PAK1: variants seen among roughly 807,000 people sequenced by gnomAD.
The protein encoded by PAK1 is serine/threonine-protein kinase PAK 1.
PAK1 carries 29 observed loss-of-function variants against 67.4 expected under a neutral mutation model. The ratio of observed to expected loss-of-function variants is 0.43; its 90% CI spans 0.32 to 0.59. The LOEUF is 0.59. Among genes scored for constraint, PAK1 ranks in the 20% least tolerant of loss-of-function variants. PAK1 has a pLI of 0.07. For synonymous variants in PAK1, 223 were observed against 237.4 expected, an observed-to-expected ratio of 0.94 and a Z score of 0.56; for missense variants, 337 against 670.7, an observed-to-expected ratio of 0.50 and a Z score of 5.50.
At chr11:77,382,558 T>C (rs537143330) in intron 2 of PAK1, among the ~76,000 whole-genome samples, 2 of 152,308 alleles carry the variant, frequency 1.3e-5, no homozygotes. Context: ...ATCTAGTCAT[T>C]TCCTATCTTA....
intron 5 of PAK1, among the ~76,000 whole-genome samples, chr11:77,367,863 C>T (rs1947822887): frequency 6.6e-6 from 1 of 152,134 alleles, no homozygotes; most frequent in Admixed American, 6.6e-5. Flanking sequence ...GCCTGCAGTC[C>T]CAGCTACTAG....
In PAK1 at chr11:77,425,524, C is replaced by T. The variant is rs115562848; in HGVS notation, c.-21-32983G>A. Among the ~76,000 whole-genome samples, 319 of 152,308 alleles carry T rather than the reference C, an allele frequency of 2.1e-3. 3 individuals carry two copies. Among genetic ancestry groups the T allele is most frequent in the African/African-American group, 7.1e-3 (296 of 41,560 alleles). On this transcript the variant is annotated intron_variant, in intron 1 of 14. Coordinates refer to ENST00000356341, the MANE Select transcript of PAK1 (RefSeq NM_002576.5). Reference sequence around the variant, plus strand: ...TCCTCAGAAGCAATGCCCAGCCCCACGGCTATCTCTGTGGCACCCTCCTGG... The same window carrying T: ...TCCTCAGAAGCAATGCCCAGCCCCATGGCTATCTCTGTGGCACCCTCCTGG...
intron 1 of PAK1, among the ~76,000 whole-genome samples, chr11:77,445,051 G>T (rs375468723): frequency 6.6e-6 from 1 of 152,046 alleles, no homozygotes; most frequent in African/African-American, 2.4e-5. Context: ...AGTTACAGAC[G>T]TAATCAAGTT....
At chr11:77,516,138 C>T in the PAK1 span, among the ~76,000 whole-genome samples, 1 of 152,190 alleles carries the variant, frequency 6.6e-6, no homozygotes, top group Non-Finnish European at 1.5e-5. Flanking sequence ...ATAATCTTTG[C>T]TGCATTAAAT....
At chr11:77,483,818 C>G in the PAK1 span, among the ~76,000 whole-genome samples, 2 of 152,264 alleles carry the variant, frequency 1.3e-5, no homozygotes, top group East Asian at 3.9e-4. Context: ...TACAGCAATT[C>G]GTGGAGATGA....
At chr11:77,410,352 G>C (rs1349038942) in intron 1 of PAK1, among the ~76,000 whole-genome samples, 1 of 152,138 alleles carries the variant, frequency 6.6e-6, no homozygotes, top group African/African-American at 2.4e-5. Flanking sequence ...ACAAATGCAG[G>C]AAGAGGGAGT....
intron 5 of PAK1, among the ~76,000 whole-genome samples, chr11:77,360,622 C>T (rs1287854728): frequency 2.0e-5 from 3 of 152,130 alleles, no homozygotes; most frequent in Admixed American, 6.5e-5. Flanking sequence ...CTTTATAAAA[C>T]TGTAGAGAAG....
chr11:77,353,292 C>T (rs148145947), intron 8 of PAK1: 5,554 of 402,812 alleles, frequency 0.014, 58 homozygotes, highest in Middle Eastern at 0.021. Flanking sequence ...AGAAAAAAAA[C>T]CGTTCTCTCA....
At chr11:77,324,425 A>G (rs930840103) in intron 14 of PAK1, among the ~76,000 whole-genome samples, 1 of 152,124 alleles carries the variant, frequency 6.6e-6, no homozygotes, top group Non-Finnish European at 1.5e-5. Flanking sequence ...CACTGGCCTC[A>G]GCCTCGCGAA....
the PAK1 span, among the ~76,000 whole-genome samples, chr11:77,503,039 G>T: frequency 6.6e-6 from 1 of 152,088 alleles, no homozygotes. Context: ...GATGATCTTC[G>T]GGTTCCTGGG....
At chr11:77,413,381 T>C (rs1343196191) in intron 1 of PAK1, among the ~76,000 whole-genome samples, 3 of 152,196 alleles carry the variant, frequency 2.0e-5, no homozygotes, top group Non-Finnish European at 2.9e-5. Context: ...AGACACAGCT[T>C]GGAAGAAGCA....
chr11:77,469,169 A>G (rs1313672423), intron 1 of PAK1, among the ~76,000 whole-genome samples: 1 of 152,214 alleles, frequency 6.6e-6, no homozygotes, highest in Admixed American at 6.5e-5. Flanking sequence ...TACTGAAAAT[A>G]GCACATAGCT....
In PAK1 at chr11:77,359,082, A is replaced by T. The variant is rs183347699; in HGVS notation, c.478-65T>A. ...GCCATGGAACTTAACTATCAGGATC[A>T]CCAAACCTCCCACGAGAAACCCCAT... On this transcript the variant is annotated intron_variant, in intron 5 of 14. Transcript: ENST00000356341. 1.6e-3 allele frequency: 2,392 copies of T among 1,508,416 alleles called. 4 individuals are homozygous for T. The highest frequency in any genetic ancestry group is 2.0e-3 in the Non-Finnish European group (2,212 of 1,105,956). The allele number at this position is 1,508,416 out of a possible 1,614,324, so 93.4% of individuals were successfully genotyped here. A position where few individuals can be genotyped will look rare whatever the true frequency, so the allele number is the denominator to read the frequency against.
chr11:77,385,567 A>G (rs1025250014), intron 2 of PAK1, among the ~76,000 whole-genome samples: 3 of 152,250 alleles, frequency 2.0e-5, no homozygotes, highest in Non-Finnish European at 2.9e-5. Flanking sequence ...CGATGTTAAG[A>G]ATTCTTGGCT....
the PAK1 span, among the ~76,000 whole-genome samples, chr11:77,503,236 G>A: frequency 2.0e-5 from 3 of 152,166 alleles, no homozygotes; most frequent in East Asian, 3.9e-4. Flanking sequence ...TAAAACCAAG[G>A]AGTGGGTCTA....
intron 5 of PAK1, among the ~76,000 whole-genome samples, chr11:77,361,062 G>C (rs752899568): frequency 2.6e-5 from 4 of 152,068 alleles, no homozygotes; most frequent in Non-Finnish European, 5.9e-5. Context: ...CTCCATTCTA[G>C]GCTCTGGGGC....
At chr11:77,509,611 A>C in the PAK1 span, among the ~76,000 whole-genome samples, 1 of 152,166 alleles carries the variant, frequency 6.6e-6, no homozygotes, top group Non-Finnish European at 1.5e-5. Context: ...TGTAATCCCC[A>C]ATGCTGGAGG....
intron 7 of PAK1, 40 bp downstream of exon 7, chr11:77,355,628 A>G: frequency 6.4e-7 from 1 of 1,551,998 alleles, no homozygotes; most frequent in Non-Finnish European, 8.9e-7. Flanking sequence ...TTGACCAGTC[A>G]TAAAACGAAG....
chr11:77,353,474 A>G (rs1386973032), intron 8 of PAK1, 62 bp downstream of exon 8: 3 of 1,235,438 alleles, frequency 2.4e-6, no homozygotes, highest in African/African-American at 1.5e-5. Context: ...AAGCAAAATC[A>G]TATATGCCGG....
Sources: allele counts gnomAD v4.1 joint callset (sites outside exome capture counted in the v4.1 genomes callset), GRCh38; gene constraint gnomAD v4.1.1; transcripts MANE v1.5; gene names NCBI Gene and HGNC (gene_info 2026-07-23, HGNC 2026-07-21).